The following SENP6 variants were observed in gnomAD, a reference collection of about 807,000 sequenced individuals.
SENP6 encodes the protein sentrin-specific protease 6.
In SENP6, 41 loss-of-function variants were observed where a neutral mutation model predicts 134.5. That is an observed-to-expected ratio of 0.30 (90% CI 0.24 to 0.40). SENP6 has a LOEUF of 0.40. Ranked by LOEUF, SENP6 falls within the 10% of genes least tolerant of loss-of-function variation. The pLI, the probability that SENP6 is intolerant of heterozygous loss-of-function variation, is 1.00. For missense variants in SENP6, 1,248 were observed against 1,312.5 expected (o/e 0.95, Z 0.76); for synonymous variants, 395 against 429.8 (o/e 0.92, Z 1.00).
At chr6:75,613,976 C>G (rs1767658976) in intron 1 of SENP6, among the ~76,000 whole-genome samples, 2 of 152,144 alleles carry the variant, frequency 1.3e-5, no homozygotes, top group African/African-American at 4.8e-5. Context: ...CTGGAAATAG[C>G]TTTTCAGACT....
intron 1 of SENP6, chr6:75,611,300 A>T (rs1330273165): frequency 6.6e-6 from 1 of 152,184 alleles, no homozygotes; most frequent in Non-Finnish European, 1.5e-5. Context: ...TTCATTTTTT[A>T]ACCACAGGAG....
chr6:75,632,011 T>G (rs1372810915), intron 3 of SENP6, among the ~76,000 whole-genome samples: 1 of 152,304 alleles, frequency 6.6e-6, no homozygotes, highest in South Asian at 2.1e-4. Context: ...TTTTTGTTTC[T>G]GGGAGCGTGT....
chr6:75,666,208 A>C (rs1250868995), intron 9 of SENP6, among the ~76,000 whole-genome samples: 1 of 145,282 alleles, frequency 6.9e-6, no homozygotes, highest in Non-Finnish European at 1.5e-5. Flanking sequence ...TATATATGAT[A>C]TATATAAGTA....
At chr6:75,629,381 C>A (rs1446911350) in intron 3 of SENP6, among the ~76,000 whole-genome samples, 2 of 152,128 alleles carry the variant, frequency 1.3e-5, no homozygotes, top group African/African-American at 4.8e-5. Flanking sequence ...TCACTGCAAC[C>A]TTCGCCTTCC....
intron 1 of SENP6, among the ~76,000 whole-genome samples, chr6:75,612,584 C>G (rs619920): frequency 0.31 from 46,907 of 151,872 alleles, 7,893 homozygotes; most frequent in African/African-American, 0.45. Context: ...CTTGCCTTAG[C>G]CACCCAAAAC....
chr6:75,654,042 AG>A (rs1182560206), intron 7 of SENP6, among the ~76,000 whole-genome samples: 1 of 152,134 alleles, frequency 6.6e-6, no homozygotes, highest in Admixed American at 6.6e-5. Context: ...TGGCCAGCAT[AG>A]TGAGACCCTG....
chr6:75,626,390 A>T (rs1414201655), intron 3 of SENP6, among the ~76,000 whole-genome samples: 1 of 152,032 alleles, frequency 6.6e-6, no homozygotes, highest in East Asian at 1.9e-4. Flanking sequence ...GAAAAACTAT[A>T]CACACTGTTG....
intron 7 of SENP6, among the ~76,000 whole-genome samples, chr6:75,653,159 TA>T (rs1554166744): frequency 1.3e-5 from 2 of 152,178 alleles, no homozygotes; most frequent in Non-Finnish European, 2.9e-5. Flanking sequence ...CCCTCCCGAA[TA>T]GCTGGGATTA....
intron 3 of SENP6, among the ~76,000 whole-genome samples, 175 bp downstream of exon 3, chr6:75,624,135 A>G (rs1387788067): frequency 6.6e-6 from 1 of 152,200 alleles, no homozygotes; most frequent in African/African-American, 2.4e-5. Flanking sequence ...TGCATTATAA[A>G]GAAGAGAAAT....
chr6:75,704,563 C>T (rs1775261838), intron 19 of SENP6, among the ~76,000 whole-genome samples: 1 of 152,226 alleles, frequency 6.6e-6, no homozygotes, highest in Admixed American at 6.5e-5. Flanking sequence ...CTGAGACATT[C>T]AGTTCCCAGG....
At position 75,715,740 on chromosome 6, in the gene SENP6, G is replaced by T. The variant is rs1386511853; in HGVS notation, c.*146G>T. The T allele has an allele frequency of 3.5e-6, 2 of 571,146 alleles. No homozygotes were observed. Among genetic ancestry groups the T allele is most frequent in the African/African-American group, 3.8e-5 (2 of 52,622 alleles). The allele number at this position is 571,146 out of a possible 1,614,324, so 35.4% of individuals were successfully genotyped here. A position where few individuals can be genotyped will look rare whatever the true frequency, so the allele number is the denominator to read the frequency against. On this transcript the variant is annotated 3_prime_UTR_variant, in exon 24 of 24. Coordinates refer to ENST00000447266, the MANE Select transcript of SENP6 (RefSeq NM_015571.4). ...AATGTCAGATAATTAATTTCCAAAG[G>T]CGTATGTATTAAGTAAAAGTCTGTA...
intron 4 of SENP6, 84 bp downstream of exon 4, chr6:75,633,810 C>T (rs926775273): frequency 8.4e-7 from 1 of 1,189,520 alleles, no homozygotes; most frequent in Non-Finnish European, 1.1e-6. Flanking sequence ...TAGGCCCAAC[C>T]TGTACCTTTT....
chr6:75,660,083 T>C (rs1013965971), intron 8 of SENP6, among the ~76,000 whole-genome samples: 6 of 152,204 alleles, frequency 3.9e-5, no homozygotes, highest in African/African-American at 1.2e-4. Flanking sequence ...TCAATAGAAA[T>C]AATTTCACAG....
At chr6:75,672,620 G>C (rs1017522773) in intron 11 of SENP6, among the ~76,000 whole-genome samples, 8 of 152,100 alleles carry the variant, frequency 5.3e-5, no homozygotes, top group Non-Finnish European at 1.0e-4. Context: ...TAAATAAAAA[G>C]ATGATTTGAT....
intron 2 of SENP6, among the ~76,000 whole-genome samples, chr6:75,623,340 A>G (rs1768416408): frequency 6.6e-6 from 1 of 152,178 alleles, no homozygotes; most frequent in Non-Finnish European, 1.5e-5. Flanking sequence ...TGAACCTGTT[A>G]ATAGATACAT....
chr6:75,698,572 C>T (rs145062141), intron 18 of SENP6, among the ~76,000 whole-genome samples: 2,058 of 152,208 alleles, frequency 0.014, 21 homozygotes, highest in Middle Eastern at 0.034. Context: ...TGGCCTCAAG[C>T]CATCCCCCAA....
chr6:75,670,666 C>G lies in SENP6; in HGVS notation c.1338C>G (p.Asn446Lys). 1 of 1,613,516 alleles carries G rather than the reference C, an allele frequency of 6.2e-7. No homozygotes were observed. The highest frequency in any genetic ancestry group is 2.2e-5 in the East Asian group (1 of 44,798). ...GTTCCTTTGACAGTGTCATTTTAAA[C>G]TGTCGAAGTATACGAGTAGGAACAC... ...CQSSFDSVIL[N>K]CRSIRVGTLF... The change falls in exon 11 of 24, where the codon AAC becomes AAG. Residue 446 changes from asparagine to lysine, a missense_variant. Coordinates refer to ENST00000447266, the MANE Select transcript of SENP6 (RefSeq NM_015571.4).
chr6:75,647,689 G>GT, intron 6 of SENP6, 42 bp from the exon 7 acceptor site: 1 of 1,378,328 alleles, frequency 7.3e-7, no homozygotes, highest in Non-Finnish European at 1.0e-6. Context: ...TTTGAAAACT[G>GT]TATTTCCTGT....
chr6:75,644,560 C>T (rs1377951212), intron 6 of SENP6, among the ~76,000 whole-genome samples: 1 of 151,904 alleles, frequency 6.6e-6, no homozygotes, highest in Non-Finnish European at 1.5e-5. Context: ...CCTTGGCTCA[C>T]TGCAACCTCT....
Sources: gnomAD v4.1 joint callset for allele counts (sites outside exome capture counted in the v4.1 genomes callset) on GRCh38, gnomAD v4.1.1 for gene constraint, MANE v1.5 for transcripts, NCBI Gene and HGNC (gene_info 2026-07-23, HGNC 2026-07-21) for gene names.